CPQ: variants seen among roughly 807,000 people sequenced by gnomAD.
CPQ encodes Ser-Met dipeptidase.
Under a neutral mutation model 45.7 loss-of-function variants are expected in CPQ, and 37 were observed. The observed-to-expected ratio is 0.81, with a 90% CI of 0.62 to 1.07. CPQ has a LOEUF of 1.07. Among genes scored for constraint, CPQ ranks in the 50% least tolerant of loss-of-function variants. CPQ has a pLI of 0.00. For missense variants in CPQ, 537 were observed against 572.9 expected, an observed-to-expected ratio of 0.94 and a Z score of 0.64; for synonymous variants, 186 against 205.8, an observed-to-expected ratio of 0.90 and a Z score of 0.82.
chr8:97,138,510 G>A (rs1812101447), intron 7 of CPQ, among the ~76,000 whole-genome samples: 1 of 152,096 alleles, frequency 6.6e-6, no homozygotes, highest in African/African-American at 2.4e-5. Context: ...TAGCAATGTG[G>A]TTACCAGAAA....
chr8:96,804,369 T>C (rs1460510719), intron 2 of CPQ, among the ~76,000 whole-genome samples: 1 of 152,170 alleles, frequency 6.6e-6, no homozygotes, highest in Non-Finnish European at 1.5e-5. Flanking sequence ...CTGGTATCTT[T>C]TAGTAGAAGC....
chr8:96,879,226 G>T (rs1009105051), intron 3 of CPQ, among the ~76,000 whole-genome samples: 4 of 152,154 alleles, frequency 2.6e-5, no homozygotes, highest in Admixed American at 2.6e-4. Context: ...TAAAGGCCTG[G>T]ATTTATTCAG....
intron 1 of CPQ, among the ~76,000 whole-genome samples, chr8:96,767,518 A>C (rs1296345874): frequency 6.9e-6 from 1 of 144,702 alleles, no homozygotes; most frequent in East Asian, 2.0e-4. Context: ...GTTCATCTTC[A>C]TCATCCTTTA....
chr8:97,040,859 C>T (rs555322470), intron 6 of CPQ, among the ~76,000 whole-genome samples: 21 of 152,226 alleles, frequency 1.4e-4, no homozygotes, highest in African/African-American at 4.8e-4. Context: ...GTTTTGGTAC[C>T]AGTACCATGC....
chr8:97,102,896 C>T (rs1811338275), intron 7 of CPQ, among the ~76,000 whole-genome samples: 1 of 152,090 alleles, frequency 6.6e-6, no homozygotes, highest in South Asian at 2.1e-4. Context: ...GGTCAAAAGT[C>T]AGAAATCTGC....
Position 96,848,328 on chromosome 8 carries a change from C to T in CPQ, c.641+13148C>T, listed in dbSNP as rs188774241. The stretch of plus-strand genomic sequence containing the variant: ...GAAAAACAATACAAAGTTACTTCTA[C>T]ACATTTAGATATAAAATCAACATTT... On this transcript the variant is annotated intron_variant, in intron 3 of 7. Coordinates refer to ENST00000220763, the MANE Select transcript of CPQ (RefSeq NM_016134.4). 3.3e-3 allele frequency among the ~76,000 whole-genome samples: 508 copies of T among 152,238 alleles called. 1 individual carries two copies. Among genetic ancestry groups the T allele is most frequent in the Non-Finnish European group, 5.4e-3 (369 of 68,012 alleles).
At chr8:96,753,779 T>C (rs1810292575) in intron 1 of CPQ, among the ~76,000 whole-genome samples, 1 of 152,042 alleles carries the variant, frequency 6.6e-6, no homozygotes, top group African/African-American at 2.4e-5. Context: ...GTTTCTTTTC[T>C]TGCATGTTAG....
In CPQ at chr8:97,122,978, AAAT is replaced by A. The variant is rs1256565150; in HGVS notation, c.1256-20041_1256-20039del. Among the ~76,000 whole-genome samples, 311 of 69,808 alleles carry A rather than the reference AAAT, an allele frequency of 4.5e-3. 1 individual carries two copies. The highest frequency in any genetic ancestry group is 0.016 in the South Asian group (34 of 2,108). 45.8% of individuals were successfully genotyped at this position (69,808 alleles called of 152,430 possible). The stretch of plus-strand genomic sequence containing the variant: ...AAATAAAATAAAATAAAATAAAATA[AAAT>A]TAAAATAAAATAAAATAAAATATAA... On this transcript the variant is annotated intron_variant, in intron 7 of 7. Transcript: ENST00000220763.
At chr8:97,131,671 T>C (rs1811960112) in intron 7 of CPQ, among the ~76,000 whole-genome samples, 2 of 152,208 alleles carry the variant, frequency 1.3e-5, no homozygotes, top group South Asian at 4.1e-4. Flanking sequence ...CCTAAAATTG[T>C]TGGGCACACC....
rs536052635 is a variant in CPQ, at chr8:96,784,155, A to G, written c.-34-709A>G. Among the ~76,000 whole-genome samples the G allele has an allele frequency of 1.8e-4, 28 of 152,086 alleles. No individual in the cohort carries two copies. The South Asian group carries it at 5.8e-3, about 32-fold the overall frequency. On this transcript the variant is annotated intron_variant, in intron 1 of 7. Coordinates refer to ENST00000220763, the MANE Select transcript of CPQ (RefSeq NM_016134.4). ...GTACAAGGTCTGACACACAGCATGC[A>G]CTATATAAATGCTTCCTGTTATTGT...
At chr8:96,910,157 G>T (rs190947701) in intron 4 of CPQ, among the ~76,000 whole-genome samples, 1 of 152,126 alleles carries the variant, frequency 6.6e-6, no homozygotes, top group African/African-American at 2.4e-5. Flanking sequence ...TTGTGTGGCC[G>T]GTCTGTGGGG....
chr8:96,708,849 G>A (rs1369945230), intron 1 of CPQ, among the ~76,000 whole-genome samples: 2 of 151,956 alleles, frequency 1.3e-5, no homozygotes, highest in African/African-American at 2.4e-5. Flanking sequence ...TAGTTGTCTC[G>A]GCAAAATCTT....
At chr8:96,801,163 G>A (rs1416792679) in intron 2 of CPQ, among the ~76,000 whole-genome samples, 2 of 151,968 alleles carry the variant, frequency 1.3e-5, no homozygotes, top group East Asian at 3.9e-4. Flanking sequence ...TTTTGGTAGA[G>A]ATGGGGTTTT....
At chr8:96,832,632 T>A (rs1811474581) in intron 2 of CPQ, among the ~76,000 whole-genome samples, 1 of 152,130 alleles carries the variant, frequency 6.6e-6, no homozygotes, top group South Asian at 2.1e-4. Flanking sequence ...TTCCCTGATG[T>A]TACAGGAGAC....
intron 3 of CPQ, among the ~76,000 whole-genome samples, chr8:96,877,381 T>A (rs1265943057): frequency 6.6e-6 from 1 of 152,162 alleles, no homozygotes; most frequent in Non-Finnish European, 1.5e-5. Flanking sequence ...CAGTAACCTA[T>A]AAGTACAAAT....
At chr8:97,137,513 T>G (rs1812081120) in intron 7 of CPQ, among the ~76,000 whole-genome samples, 1 of 152,234 alleles carries the variant, frequency 6.6e-6, no homozygotes, top group Non-Finnish European at 1.5e-5. Flanking sequence ...CCAGAGAGCA[T>G]GTACTCCCCA....
intron 3 of CPQ, among the ~76,000 whole-genome samples, chr8:96,864,688 G>A (rs1281593023): frequency 6.6e-6 from 1 of 151,994 alleles, no homozygotes; most frequent in African/African-American, 2.4e-5. Flanking sequence ...CTCAATCAAT[G>A]TTTGTTGAGT....
At chr8:96,849,596 T>C (rs1811744493) in intron 3 of CPQ, among the ~76,000 whole-genome samples, 1 of 152,184 alleles carries the variant, frequency 6.6e-6, no homozygotes, top group African/African-American at 2.4e-5. Context: ...CCAGTGCTGC[T>C]CCATATGTTG....
chr8:96,703,635 C>CTGGGATTTTCAAAA lies in CPQ; in HGVS notation c.-35+58237_-35+58250dup, dbSNP rs199747121. Among the ~76,000 whole-genome samples, 144 of 152,210 alleles carry CTGGGATTTTCAAAA rather than the reference C, an allele frequency of 9.5e-4. 4 individuals are homozygous for CTGGGATTTTCAAAA. In the East Asian group the frequency reaches 0.025, roughly 26 times the overall value. Reference sequence around the variant, plus strand: ...CATACTATTTGTTGAGTACTAGCTACTGGGATTTTCAAAATGGAATTTTGC... The same window carrying CTGGGATTTTCAAAA: ...CATACTATTTGTTGAGTACTAGCTACTGGGATTTTCAAAATGGGATTTTCAAAATGGAATTTTGC... On this transcript the variant is annotated intron_variant, in intron 1 of 7. Coordinates refer to ENST00000220763, the MANE Select transcript of CPQ (RefSeq NM_016134.4).
Sources: gnomAD v4.1 joint callset for allele counts (sites outside exome capture counted in the v4.1 genomes callset) on GRCh38, gnomAD v4.1.1 for gene constraint, MANE v1.5 for transcripts, NCBI Gene and HGNC (gene_info 2026-07-23, HGNC 2026-07-21) for gene names.